ARMCX4: variants seen among roughly 807,000 people sequenced by gnomAD.
ARMCX4 encodes armadillo repeat-containing X-linked protein 4.
A neutral mutation model predicts 34.7 loss-of-function variants in ARMCX4; 3 were observed. That is an observed-to-expected ratio of 0.09 (90% CI 0.04 to 0.22). The LOEUF (loss-of-function observed/expected upper bound fraction) is 0.22, where lower values mean the gene tolerates loss of function less well. ARMCX4 is among the 10% of genes least tolerant of loss of function. The pLI is 1.00. For missense variants in ARMCX4, 1,448 were observed against 1,720.8 expected (o/e 0.84, Z 2.81); for synonymous variants, 513 against 632.8 (o/e 0.81, Z 2.84).
intron 4 of ARMCX4, among the ~76,000 whole-genome samples, chrX:101,470,511 G>T (rs781865907): frequency 1.4e-4 from 15 of 110,546 alleles, no homozygotes; most frequent in Non-Finnish European, 2.5e-4. Context: ...TAGAGATGGG[G>T]TATCACCACA....
chrX:101,492,290 A>G lies in ARMCX4; in HGVS notation c.3701A>G (p.Glu1234Gly), dbSNP rs868985056. Reference protein sequence around the residue: ...WALAGNQAIGELWAAGQASDG... With the variant: ...WALAGNQAIGGLWAAGQASDG... ...CTCGCTGGGAATCAGGCCATTGGAG[A>G]GCTTTGGGCTGCGGGTCAGGCCAGT... Residue 1234 changes from glutamate to glycine, a missense_variant, in exon 6 of 6, where the codon GAG (glutamate) becomes GGG (glycine). Around this residue, in one of 2 missense-constraint regions of ARMCX4, gnomAD observed 1,343 missense variants for 1,540.7 expected, o/e 0.87. Transcript: ENST00000423738. 9.0e-7 allele frequency: 1 copy of G among 1,114,714 alleles called. No homozygotes were observed. The highest frequency in any genetic ancestry group is 2.1e-5 in the African/African-American group (1 of 46,760). The allele number at this position is 1,114,714 out of a possible 1,213,427, so 91.9% of individuals were successfully genotyped here. A position where few individuals can be genotyped will look rare whatever the true frequency, so the allele number is the denominator to read the frequency against.
chrX:101,495,951 C>T (rs1432099538), downstream of ARMCX4: 1 of 112,041 alleles, frequency 8.9e-6, no homozygotes, highest in Non-Finnish European at 1.9e-5. Context: ...CTGCTGCAGG[C>T]AACAGTGCTC....
At chrX:101,487,586 C>T (rs1198994766) in intron 3 of ARMCX4, 22 bp from the exon 4 acceptor site, 17 of 888,240 alleles carry the variant, frequency 1.9e-5, no homozygotes, top group Non-Finnish European at 2.3e-5. Context: ...CCATTACCTA[C>T]TGTTTGTTTA....
chrX:101,433,450 A>G (rs1195939468), intron 2 of ARMCX4, among the ~76,000 whole-genome samples: 1 of 110,922 alleles, frequency 9.0e-6, no homozygotes, highest in Admixed American at 9.6e-5. Flanking sequence ...ACACACACGT[A>G]CTTAGGACAG....
chrX:101,442,939 T>C (rs1931392262), intron 2 of ARMCX4, among the ~76,000 whole-genome samples: 1 of 110,272 alleles, frequency 9.1e-6, no homozygotes, highest in Non-Finnish European at 1.9e-5. Flanking sequence ...GAGACCATCC[T>C]GGCTAACTCG....
chrX:101,457,434 G>A (rs5991939), intron 4 of ARMCX4, among the ~76,000 whole-genome samples: 22,215 of 110,548 alleles, frequency 0.2, 1,852 homozygotes, highest in East Asian at 0.44. Flanking sequence ...TTCATTTATT[G>A]GTTAAAAAAA....
In ARMCX4 at chrX:101,485,536, G is replaced by A. The variant is rs913935721; in HGVS notation, c.-437+6G>A. 13 of 482,437 alleles carry A rather than the reference G, an allele frequency of 2.7e-5. No individual in the cohort carries two copies. The highest frequency in any genetic ancestry group is 2.0e-5 in the Non-Finnish European group (8 of 392,204). 39.8% of individuals were successfully genotyped at this position (482,437 alleles called of 1,213,427 possible). On this transcript the variant is annotated splice_donor_region_variant and intron_variant, in intron 1 of 5. Coordinates refer to ENST00000423738, the MANE Select transcript of ARMCX4 (RefSeq NM_001256155.3). Reference sequence around the variant, plus strand: ...GCCCGGGGAAAGCGGAGCAGGTAAGGGCCCTGGGGCCCGCGCGCCCTGGCC... The same window carrying A: ...GCCCGGGGAAAGCGGAGCAGGTAAGAGCCCTGGGGCCCGCGCGCCCTGGCC...
At chrX:101,535,815 A>G (rs1269656201), downstream of ARMCX4, among the ~76,000 whole-genome samples, 2 of 112,067 alleles carry the variant, frequency 1.8e-5, no homozygotes, top group Admixed American at 1.9e-4. Flanking sequence ...GTCCCTTTTC[A>G]TTAAAAAATA....
intron 2 of ARMCX4, among the ~76,000 whole-genome samples, chrX:101,436,465 G>C (rs1439879571): frequency 9.0e-6 from 1 of 110,687 alleles, no homozygotes; most frequent in East Asian, 2.8e-4. Flanking sequence ...TGGTGTATAA[G>C]AATGCTTGTG....
upstream of ARMCX4, among the ~76,000 whole-genome samples, chrX:101,483,245 A>G (rs1933547356): frequency 9.0e-6 from 1 of 110,787 alleles, no homozygotes; most frequent in Non-Finnish European, 1.9e-5. Flanking sequence ...AAATTCTAGT[A>G]AATATATCTT....
In ARMCX4 at chrX:101,515,455, CT is replaced by C. The variant is rs1556017629; in HGVS notation, c.*1780+4402del. Among the ~76,000 whole-genome samples, 191 of 52,037 alleles carry C rather than the reference CT, an allele frequency of 3.7e-3. 2 individuals carry two copies. Among genetic ancestry groups the C allele is most frequent in the Non-Finnish European group, 5.2e-3 (149 of 28,680 alleles). The allele number at this position is 52,037 out of a possible 115,157, so 45.2% of individuals were successfully genotyped here. On this transcript the variant is annotated intron_variant and NMD_transcript_variant, in intron 11 of 12. Coordinates refer to the ARMCX4 transcript ENST00000354842. ...CCTTCCTTCCTTCCTTCCTTCCTTC[CT>C]TCCTTCCTTCCTCCCTCCCTCCCTC...
At chrX:101,438,477 A>T (rs1930973160) in intron 2 of ARMCX4, among the ~76,000 whole-genome samples, 1 of 111,046 alleles carries the variant, frequency 9.0e-6, no homozygotes, top group Non-Finnish European at 1.9e-5. Context: ...AGGCAGGAGA[A>T]TGGCGTGAAC....
chrX:101,496,380 G>C (rs1934178496), downstream of ARMCX4, among the ~76,000 whole-genome samples: 1 of 110,500 alleles, frequency 9.0e-6, no homozygotes, highest in African/African-American at 3.3e-5. Context: ...GCTACCACAA[G>C]TTACTCCAGG....
chrX:101,437,131 C>G (rs1382793450), intron 2 of ARMCX4, among the ~76,000 whole-genome samples: 3 of 111,674 alleles, frequency 2.7e-5, no homozygotes, highest in African/African-American at 9.8e-5. Flanking sequence ...CTCTGTCAGG[C>G]TTTGGTATCA....
intron 4 of ARMCX4, among the ~76,000 whole-genome samples, chrX:101,457,979 T>C (rs2147600120): frequency 9.1e-6 from 1 of 110,489 alleles, no homozygotes; most frequent in African/African-American, 3.3e-5. Context: ...TGACCTCAGG[T>C]GATCCACCAG....
At position 101,495,263 on chromosome X, in the gene ARMCX4, C is replaced by T. The variant is rs1556011559; in HGVS notation, c.6674C>T (p.Ala2225Val). 1 of 1,143,712 alleles carries T rather than the reference C, an allele frequency of 8.7e-7. No individual in the cohort carries two copies. Among genetic ancestry groups the T allele is most frequent in the Admixed American group, 2.6e-5 (1 of 38,254 alleles). 94.3% of individuals were successfully genotyped at this position (1,143,712 alleles called of 1,213,427 possible). A position where few individuals can be genotyped will look rare whatever the true frequency, so the allele number is the denominator to read the frequency against. Residue 2225 changes from alanine to valine, a missense_variant, in exon 6 of 6, where the codon GCT becomes GTT. Coordinates refer to ENST00000423738, the MANE Select transcript of ARMCX4 (RefSeq NM_001256155.3). ...GAGACAAAGGAGAATATTCTTAATG[C>T]TCTTTCACTATTTGAAAATATAAAT... ...KKETKENILN[A>V]LSLFENINYH...
chrX:101,494,921 C>T lies in ARMCX4; in HGVS notation c.6332C>T (p.Ser2111Leu). ...QKALNALNNI[S>L]VAAENHRKVK... is the part of the protein sequence containing the mutation. ...GCTTTAAATGCACTGAATAATATCT[C>T]AGTGGCTGCTGAAAACCATAGGAAG... The change falls in exon 6 of 6, where the codon TCA becomes TTA. Residue 2111 changes from serine (S) to leucine (L), a missense_variant. Physicochemically the swap from Ser to Leu is moderately radical, Grantham distance 145 (BLOSUM62 -2). Transcript: ENST00000423738. The T allele has an allele frequency of 8.7e-7, 1 of 1,155,511 alleles. No homozygotes were observed. Among genetic ancestry groups the T allele is most frequent in the Non-Finnish European group, 1.1e-6 (1 of 872,547 alleles).
chrX:101,434,941 T>C (rs1369258095), intron 2 of ARMCX4, among the ~76,000 whole-genome samples: 2 of 110,799 alleles, frequency 1.8e-5, no homozygotes, highest in Non-Finnish European at 3.8e-5. Flanking sequence ...TCCAGCTTCA[T>C]CCATGTCCCT....
Position 101,492,105 on chromosome X carries a change from G to A in ARMCX4, c.3516G>A (p.Glu1172=). The change falls in exon 6 of 6, where the codon GAG becomes GAA. Residue 1172 remains glutamate, a synonymous_variant. Coordinates refer to ENST00000423738, the MANE Select transcript of ARMCX4 (RefSeq NM_001256155.3). Reference sequence around the variant, plus strand: ...AGTCCTGGGCTGGGGCCAGGGCTGAGAATGTGGTTGGTATTGGGACTTGGG... The same window carrying A: ...AGTCCTGGGCTGGGGCCAGGGCTGAAAATGTGGTTGGTATTGGGACTTGGG... The part of the protein sequence containing the change: ...SVKSWAGARA[E]NVVGIGTWAR... The A allele has an allele frequency of 1.7e-6, 2 of 1,151,407 alleles. No individual in the cohort carries two copies. Among genetic ancestry groups the A allele is most frequent in the Non-Finnish European group, 2.3e-6 (2 of 870,340 alleles). The allele number at this position is 1,151,407 out of a possible 1,213,427, so 94.9% of individuals were successfully genotyped here. A position where few individuals can be genotyped will look rare whatever the true frequency, so the allele number is the denominator to read the frequency against.
Sources: allele counts gnomAD v4.1 joint callset (sites outside exome capture counted in the v4.1 genomes callset), GRCh38; gene constraint gnomAD v4.1.1; regional missense constraint gnomAD v4.1.1; transcripts MANE v1.5; gene names NCBI Gene and HGNC (gene_info 2026-07-23, HGNC 2026-07-21).